FRMD4B: variants seen among roughly 807,000 people sequenced by gnomAD.
The protein encoded by FRMD4B is FERM domain-containing protein 4B.
A neutral mutation model predicts 141.5 loss-of-function variants in FRMD4B; 74 were observed. The ratio of observed to expected loss-of-function variants is 0.52; its 90% CI spans 0.43 to 0.63. The LOEUF is 0.63. Ranked by LOEUF, FRMD4B falls within the 30% of genes least tolerant of loss-of-function variation. FRMD4B has a pLI of 0.00. For missense variants in FRMD4B, 1,366 were observed against 1,253.4 expected, an observed-to-expected ratio of 1.09 and a Z score of -1.36; for synonymous variants, 506 against 467.9, an observed-to-expected ratio of 1.08 and a Z score of -1.05.
At chr3:69,177,955 T>C (rs1014954703) in intron 21 of FRMD4B, among the ~76,000 whole-genome samples, 5 of 152,012 alleles carry the variant, frequency 3.3e-5, no homozygotes, top group Admixed American at 3.3e-4. Context: ...AGGTGGTAAG[T>C]AGCACAGGAA....
At chr3:69,324,782 G>T (rs1202740163) in intron 1 of FRMD4B, among the ~76,000 whole-genome samples, 1 of 152,180 alleles carries the variant, frequency 6.6e-6, no homozygotes, top group African/African-American at 2.4e-5. Flanking sequence ...TACCCAGGAA[G>T]CACGAGAAAT....
chr3:69,373,656 T>C (rs1703889088), intron 1 of FRMD4B, among the ~76,000 whole-genome samples: 1 of 152,054 alleles, frequency 6.6e-6, no homozygotes, highest in African/African-American at 2.4e-5. Flanking sequence ...GAGGATTGCT[T>C]GAGGGCAGGA....
intron 1 of FRMD4B, among the ~76,000 whole-genome samples, chr3:69,528,950 G>A (rs186686321): frequency 4.2e-4 from 64 of 152,304 alleles, no homozygotes; most frequent in Middle Eastern, 3.4e-3. Context: ...GCCAAACCCT[G>A]TTCATCACTG....
chr3:69,234,960 C>T (rs543113687), intron 7 of FRMD4B, among the ~76,000 whole-genome samples: 1 of 151,734 alleles, frequency 6.6e-6, no homozygotes, highest in East Asian at 2.0e-4. Flanking sequence ...ACCAGCCTGG[C>T]CAACATGGTG....
chr3:69,366,323 G>T (rs932850836), intron 1 of FRMD4B, among the ~76,000 whole-genome samples: 1 of 151,590 alleles, frequency 6.6e-6, no homozygotes. Context: ...ATCAATAGGA[G>T]ACTGATGTAA....
At chr3:69,488,434 T>G (rs1575588360) in intron 1 of FRMD4B, among the ~76,000 whole-genome samples, 2 of 152,188 alleles carry the variant, frequency 1.3e-5, no homozygotes, top group Admixed American at 1.3e-4. Context: ...AAACTCTAAC[T>G]TCTATGGTCA....
In FRMD4B at chr3:69,303,122, A is replaced by G. The variant is rs181420334; in HGVS notation, c.324-687T>C. ...CAAAACCCCCCAAAACAAACAAACAAAAAAAACTATAGAGTGAAATACAAT... is the reference window on the plus strand; with the variant it reads ...CAAAACCCCCCAAAACAAACAAACAGAAAAAACTATAGAGTGAAATACAAT... On this transcript the variant is annotated intron_variant, in intron 3 of 22. Coordinates refer to ENST00000398540, the MANE Select transcript of FRMD4B (RefSeq NM_015123.3). Among the ~76,000 whole-genome samples the G allele has an allele frequency of 3.1e-3, 326 of 106,764 alleles. 3 individuals carry two copies. The highest frequency in any genetic ancestry group is 8.7e-3 in the African/African-American group (317 of 36,488). The allele number at this position is 106,764 out of a possible 152,430, so 70.0% of individuals were successfully genotyped here. A position where few individuals can be genotyped will look rare whatever the true frequency, so the allele number is the denominator to read the frequency against.
intron 1 of FRMD4B, among the ~76,000 whole-genome samples, chr3:69,362,374 C>T (rs1703494081): frequency 6.6e-6 from 1 of 152,188 alleles, no homozygotes; most frequent in Admixed American, 6.5e-5. Context: ...GCTCTTCTGC[C>T]TCTCACAATT....
chr3:69,498,446 G>C (rs879540413), intron 1 of FRMD4B, among the ~76,000 whole-genome samples: 13 of 152,202 alleles, frequency 8.5e-5, no homozygotes, highest in Non-Finnish European at 1.5e-4. Flanking sequence ...GCATGAGAGA[G>C]AGAGAGAGAC....
intron 2 of FRMD4B, among the ~76,000 whole-genome samples, chr3:69,431,272 G>A (rs1705174178): frequency 6.6e-6 from 1 of 152,192 alleles, no homozygotes; most frequent in Non-Finnish European, 1.5e-5. Context: ...GCTTCTTAAG[G>A]TGCTTGAATC....
At chr3:69,455,499 C>A (rs1418561318) in intron 1 of FRMD4B, among the ~76,000 whole-genome samples, 1 of 152,152 alleles carries the variant, frequency 6.6e-6, no homozygotes, top group African/African-American at 2.4e-5. Context: ...CCGTGAAGGT[C>A]TGCAGCTTCC....
chr3:69,206,149 C>T (rs978483399), intron 11 of FRMD4B, among the ~76,000 whole-genome samples: 10 of 152,014 alleles, frequency 6.6e-5, no homozygotes, highest in African/African-American at 9.7e-5. Flanking sequence ...GTCAGGAGTT[C>T]GAGACCAGCC....
intron 2 of FRMD4B, among the ~76,000 whole-genome samples, chr3:69,414,867 T>G (rs954238916): frequency 6.8e-6 from 1 of 147,550 alleles, no homozygotes; most frequent in East Asian, 2.0e-4. Context: ...AGCTGTTTTT[T>G]TTTTTTTTTT....
chr3:69,384,009 G>A (rs1318193231), intron 1 of FRMD4B, among the ~76,000 whole-genome samples: 2 of 148,932 alleles, frequency 1.3e-5, no homozygotes, highest in Admixed American at 6.7e-5. Flanking sequence ...TATGTTGCCC[G>A]GGCTGGCCTC....
At chr3:69,432,099 G>C in intron 2 of FRMD4B, among the ~76,000 whole-genome samples, 1 of 151,600 alleles carries the variant, frequency 6.6e-6, no homozygotes, top group East Asian at 2.0e-4. Flanking sequence ...GTGGAAAATG[G>C]AAAATAAAAC....
At chr3:69,178,494 C>G (rs79196216) in intron 21 of FRMD4B, among the ~76,000 whole-genome samples, 3,937 of 151,926 alleles carry the variant, frequency 0.026, 180 homozygotes, top group African/African-American at 0.091. Context: ...GCCTGGGAAA[C>G]AGAGCCCAGT....
intron 2 of FRMD4B, among the ~76,000 whole-genome samples, chr3:69,413,386 C>T (rs1054133672): frequency 1.3e-5 from 2 of 152,104 alleles, no homozygotes; most frequent in Admixed American, 6.6e-5. Context: ...GACCCCAGGC[C>T]GTCTTGATGT....
At chr3:69,470,332 C>A (rs1049857082) in intron 1 of FRMD4B, among the ~76,000 whole-genome samples, 6 of 152,122 alleles carry the variant, frequency 3.9e-5, no homozygotes, top group African/African-American at 7.2e-5. Context: ...TTTGTCTTTT[C>A]ATTCCAAATG....
chr3:69,409,947 T>C (rs1704725667), intron 2 of FRMD4B, among the ~76,000 whole-genome samples: 1 of 152,162 alleles, frequency 6.6e-6, no homozygotes, highest in Admixed American at 6.5e-5. Context: ...GCAGCTCTTA[T>C]GGTTTAAGCT....
Sources: gnomAD v4.1 joint callset for allele counts (sites outside exome capture counted in the v4.1 genomes callset) on GRCh38, gnomAD v4.1.1 for gene constraint, MANE v1.5 for transcripts, NCBI Gene and HGNC (gene_info 2026-07-23, HGNC 2026-07-21) for gene names.